The following WFS1 variants were observed in gnomAD, a reference collection of about 807,000 sequenced individuals.
The protein encoded by WFS1 is wolframin.
A neutral mutation model predicts 68.5 loss-of-function variants in WFS1; 90 were observed. The ratio of observed to expected loss-of-function variants is 1.31; its 90% confidence interval spans 1.11 to 1.56. The LOEUF (loss-of-function observed/expected upper bound fraction) is 1.56. WFS1 is among the 40% of genes most tolerant of loss of function. The pLI is 0.00. For synonymous variants in WFS1, 860 were observed against 540.7 expected (o/e 1.59, Z -8.19); for missense variants, 1,767 against 1,232.6 (o/e 1.43, Z -6.49).
chr4:6,295,799 C>T (rs1033500743), intron 7 of WFS1, among the ~76,000 whole-genome samples: 2 of 152,206 alleles, frequency 1.3e-5, no homozygotes, highest in Non-Finnish European at 2.9e-5. Context: ...CAGTGCGGGC[C>T]CTACTCCTGG....
intron 4 of WFS1, among the ~76,000 whole-genome samples, chr4:6,289,339 C>T (rs1165711378): frequency 6.6e-6 from 1 of 152,220 alleles, no homozygotes; most frequent in African/African-American, 2.4e-5. Context: ...CATTTTCATT[C>T]TCTTTGGCTT....
chr4:6,289,911 C>A (rs1448342905), intron 4 of WFS1, among the ~76,000 whole-genome samples: 1 of 152,124 alleles, frequency 6.6e-6, no homozygotes, highest in Non-Finnish European at 1.5e-5. Context: ...AGAAGCAACT[C>A]CCCATATTTT....
intron 2 of WFS1, among the ~76,000 whole-genome samples, chr4:6,279,950 T>G (rs564470635): frequency 2.1e-4 from 32 of 152,342 alleles, no homozygotes; most frequent in African/African-American, 7.2e-4. Flanking sequence ...GAAACGTCAC[T>G]GGGCTGGAGC....
rs1038816435 is a variant in WFS1 at position 6,301,415 on chromosome 4, G to A, written c.1620G>A (p.Trp540Ter). The A allele has an allele frequency of 1.9e-6, 3 of 1,612,464 alleles. No individual in the cohort carries two copies. Among genetic ancestry groups the A allele is most frequent in the Non-Finnish European group, 2.5e-6 (3 of 1,180,024 alleles). ...TGCCCTACCTGGTGTGCTTCATGTGGTGTGAGCTCTCCGTGGTCATCCTGC... is the reference window on the plus strand; with the variant it reads ...TGCCCTACCTGGTGTGCTTCATGTGATGTGAGCTCTCCGTGGTCATCCTGC... ...YLVPYLVCFMWCELSVVILLE... is the reference protein window; with the variant it reads ...YLVPYLVCFM The change falls in exon 8 of 8, where the codon TGG (tryptophan) becomes TGA (stop). Residue 540 changes from tryptophan (W) to a stop codon, truncating the protein, a stop_gained. Transcript: ENST00000226760. LOFTEE classifies it high-confidence loss of function.
intron 2 of WFS1, among the ~76,000 whole-genome samples, chr4:6,286,088 G>A (rs1423612552): frequency 6.6e-6 from 1 of 152,086 alleles, no homozygotes; most frequent in Non-Finnish European, 1.5e-5. Flanking sequence ...TGATGGAGAG[G>A]AGGGGAGGGT....
rs373310972 is a variant in WFS1 at position 6,302,180 on chromosome 4, G to A, written c.2385G>A (p.Glu795=). ...CTGACGGCTCGCGCAGCCGCGAGGA[G>A]GACGACGTCACCAAGGACATCGTGC... ...SGADGSRSRE[E]DDVTKDIVLR... The change falls in exon 8 of 8, where the codon GAG becomes GAA. Residue 795 remains glutamate, a synonymous_variant. Coordinates refer to ENST00000226760, the MANE Select transcript of WFS1 (RefSeq NM_006005.3). 8 of 1,612,434 alleles carry A rather than the reference G, an allele frequency of 5.0e-6. No individual in the cohort carries two copies. The African/African-American group carries it at 8.0e-5, about 16-fold the overall frequency.
Position 6,300,849 on chromosome 4 carries a change from C to T in WFS1, c.1054C>T (p.Leu352=), listed in dbSNP as rs1242334313. 1 of 1,614,154 alleles carries T rather than the reference C, an allele frequency of 6.2e-7. No individual in the cohort carries two copies. Among genetic ancestry groups the T allele is most frequent in the Admixed American group, 1.7e-5 (1 of 60,016 alleles). The change falls in exon 8 of 8, where the codon CTG becomes TTG. Residue 352 remains leucine (L), a synonymous_variant. Coordinates refer to ENST00000226760, the MANE Select transcript of WFS1 (RefSeq NM_006005.3). ...AFFIPLVIFY[L]SFISMVICTL... Reference sequence around the variant, plus strand: ...CTTCATCCCGCTGGTCATCTTCTACCTGTCCTTCATCTCCATGGTGATCTG... The same window carrying T: ...CTTCATCCCGCTGGTCATCTTCTACTTGTCCTTCATCTCCATGGTGATCTG...
rs1415860227 is a variant in WFS1 at position 6,292,570 on chromosome 4, G to A, written c.712+573G>A. The stretch of plus-strand genomic sequence containing the variant: ...TTGTGGTCAAAGACTGAGAAGAGAC[G>A]TCACATCCTCCACGTGCAGCTGGCC... On this transcript the variant is annotated intron_variant, in intron 6 of 7. Coordinates refer to ENST00000226760, the MANE Select transcript of WFS1 (RefSeq NM_006005.3). Among the ~76,000 whole-genome samples the A allele has an allele frequency of 3.9e-5, 6 of 152,052 alleles. No homozygotes were observed. The East Asian group carries it at 7.7e-4, about 20-fold the overall frequency.
intron 1 of WFS1, among the ~76,000 whole-genome samples, chr4:6,275,929 C>T (rs1268990762): frequency 6.6e-6 from 1 of 152,190 alleles, no homozygotes. Context: ...TCTGGTCTCA[C>T]TGGTCCTCAC....
chr4:6,271,425 G>T (rs1394156328), intron 1 of WFS1, among the ~76,000 whole-genome samples: 1 of 152,208 alleles, frequency 6.6e-6, no homozygotes, highest in Admixed American at 6.5e-5. Flanking sequence ...TCTGGGGCTG[G>T]TCACAGAGGG....
At chr4:6,274,641 CA>C (rs755216122) in intron 1 of WFS1, among the ~76,000 whole-genome samples, 8 of 151,950 alleles carry the variant, frequency 5.3e-5, no homozygotes, top group Non-Finnish European at 8.8e-5. Context: ...GAAGCTCCCA[CA>C]AAGGAGGTAT....
At chr4:6,273,125 GC>G (rs530624919) in intron 1 of WFS1, among the ~76,000 whole-genome samples, 156 of 152,246 alleles carry the variant, frequency 1.0e-3, no homozygotes, top group African/African-American at 3.5e-3. Context: ...AGATGGGGTT[GC>G]CCCCCCAGAG....
rs1337401471 is a variant in WFS1, at chr4:6,301,515, G to T, written c.1720G>T (p.Val574Leu). Residue 574 changes from valine to leucine, a missense_variant, in exon 8 of 8, where the codon GTG (valine) becomes TTG (leucine). Physicochemically the swap from Val to Leu is conservative, Grantham distance 32. Coordinates refer to ENST00000226760, the MANE Select transcript of WFS1 (RefSeq NM_006005.3). ...CTTCCTCTTTGCCCTCCCCATCCTGGTGGCCGGCCTGGCCCTGGTGGGCGT... is the reference window on the plus strand; with the variant it reads ...CTTCCTCTTTGCCCTCCCCATCCTGTTGGCCGGCCTGGCCCTGGTGGGCGT... Reference protein sequence around the residue: ...FLFLFALPILVAGLALVGVLQ... With the variant: ...FLFLFALPILLAGLALVGVLQ... 1 of 1,613,634 alleles carries T rather than the reference G, an allele frequency of 6.2e-7. No individual in the cohort carries two copies. The highest frequency in any genetic ancestry group is 8.5e-7 in the Non-Finnish European group (1 of 1,179,918).
At chr4:6,292,806 G>C (rs1259748912) in intron 6 of WFS1, among the ~76,000 whole-genome samples, 1 of 152,160 alleles carries the variant, frequency 6.6e-6, no homozygotes, top group Non-Finnish European at 1.5e-5. Context: ...TGAACAGTGA[G>C]ATGATCAGAC....
At chr4:6,300,493 C>A (rs4688991) in intron 7 of WFS1, among the ~76,000 whole-genome samples, 164 bp from the exon 8 acceptor site, 3 of 151,694 alleles carry the variant, frequency 2.0e-5, no homozygotes, top group East Asian at 2.0e-4. Flanking sequence ...GGAGGGCCAC[C>A]TGGAGAAGGG....
In WFS1 at chr4:6,299,457, TGTGTGAGGGTGCAC is replaced by T. The variant is rs373841100; in HGVS notation, c.862-1194_862-1181del. On this transcript the variant is annotated intron_variant, in intron 7 of 7. Coordinates refer to ENST00000226760, the MANE Select transcript of WFS1 (RefSeq NM_006005.3). ...GCACACGTGTAGGGGTGGGTGTGCA[TGTGTGAGGGTGCAC>T]GTGTGGGGGTGGGTGTGCACGTGTG... is the stretch of plus-strand genomic sequence containing the variant. 1.7e-3 allele frequency among the ~76,000 whole-genome samples: 233 copies of T among 137,470 alleles called. 2 individuals are homozygous for T. The highest frequency in any genetic ancestry group is 5.4e-3 in the African/African-American group (191 of 35,584). The allele number at this position is 137,470 out of a possible 152,430, so 90.2% of individuals were successfully genotyped here. A position where few individuals can be genotyped will look rare whatever the true frequency, so the allele number is the denominator to read the frequency against.
chr4:6,287,111 T>G lies in WFS1; in HGVS notation c.251T>G (p.Met84Arg). The part of the protein sequence containing the change: ...ADGTGPTKGD[M>R]EIPFEEVLER... The stretch of plus-strand genomic sequence containing the variant: ...GTTAAAGGGCCTACAAAGGGAGACA[T>G]GGAAATCCCCTTTGAAGAAGTCCTG... Residue 84 changes from methionine (M) to arginine (R), a missense_variant, in exon 3 of 8, where the codon ATG becomes AGG. Transcript: ENST00000226760. This position sits in a 1 kb window ranked among gnomAD's most constrained non-coding sequence, Gnocchi z 6.4. 1 of 1,558,898 alleles carries G rather than the reference T, an allele frequency of 6.4e-7. No individual in the cohort carries two copies. The highest frequency in any genetic ancestry group is 2.3e-5 in the East Asian group (1 of 42,690).
At chr4:6,290,430 G>A (rs1434363702) in intron 4 of WFS1, among the ~76,000 whole-genome samples, 1 of 152,254 alleles carries the variant, frequency 6.6e-6, no homozygotes. Flanking sequence ...GGGTGCCAGG[G>A]ATAGCCCAGA....
rs752915135 is a variant in WFS1 at position 6,291,288 on chromosome 4, C to G, written c.552C>G (p.Tyr184Ter). The G allele has an allele frequency of 6.2e-7, 1 of 1,613,480 alleles. No homozygotes were observed. Among genetic ancestry groups the G allele is most frequent in the Admixed American group, 1.7e-5 (1 of 60,016 alleles). The change falls in exon 5 of 8, where the codon TAC becomes TAG. Residue 184 changes from tyrosine (Y) to a stop codon, truncating the protein, a stop_gained. Transcript: ENST00000226760. LOFTEE classifies it high-confidence loss of function. Reference sequence around the variant, plus strand: ...TGCGCAAGGCAGCCCTGGTCATGTACTGGAAGCTCAACCCCAAGAAGAAGA... The same window carrying G: ...TGCGCAAGGCAGCCCTGGTCATGTAGTGGAAGCTCAACCCCAAGAAGAAGA... ...RAVRKAALVM[Y>*]WKLNPKKKKQ... is the part of the protein sequence containing the mutation.
Sources: allele counts gnomAD v4.1 joint callset (sites outside exome capture counted in the v4.1 genomes callset), GRCh38; gene constraint gnomAD v4.1.1; non-coding constraint Gnocchi (gnomAD v3.1); transcripts MANE v1.5; gene names NCBI Gene and HGNC (gene_info 2026-07-23, HGNC 2026-07-21).